Variants in GYPE observed in about 807,000 individuals in gnomAD.
GYPE encodes glycophorin E (MNS blood group), also known as glycophorin-E.
A neutral mutation model predicts 11.6 loss-of-function variants in GYPE; 8 were observed. That is an observed-to-expected ratio of 0.69 (90% confidence interval 0.41 to 1.25). The LOEUF is 1.25. GYPE is among the 50% of genes most tolerant of loss of function. The probability of loss-of-function intolerance (pLI) is 0.01; values close to 1 mark genes in which losing one functional copy is unlikely to be tolerated. For missense variants in GYPE, 90 were observed against 92.8 expected, an observed-to-expected ratio of 0.97 and a Z score of 0.12; for synonymous variants, 28 against 29.6, an observed-to-expected ratio of 0.94 and a Z score of 0.18.
chr4:143,891,715 C>T (rs916055481), intron 1 of GYPE, among the ~76,000 whole-genome samples: 3 of 152,046 alleles, frequency 2.0e-5, no homozygotes, highest in Non-Finnish European at 4.4e-5. Context: ...CGTTCACAGG[C>T]TATAGTTTGC....
At chr4:143,874,873 T>G (rs1026764735) in intron 3 of GYPE, among the ~76,000 whole-genome samples, 1 of 152,132 alleles carries the variant, frequency 6.6e-6, no homozygotes, top group African/African-American at 2.4e-5. Flanking sequence ...CCTACCCCTG[T>G]GCCTGTCATT....
chr4:143,898,587 G>A (rs1470503341), intron 1 of GYPE, among the ~76,000 whole-genome samples: 1 of 151,844 alleles, frequency 6.6e-6, no homozygotes, highest in Non-Finnish European at 1.5e-5. Flanking sequence ...TAAGAAATTG[G>A]CAAAAATACA....
At chr4:143,899,375 G>T (rs1292014458) in intron 1 of GYPE, among the ~76,000 whole-genome samples, 1 of 152,120 alleles carries the variant, frequency 6.6e-6, no homozygotes, top group Non-Finnish European at 1.5e-5. Context: ...CTATATTTTT[G>T]TTCCATCATT....
At chr4:143,889,668 G>A (rs1744331479) in intron 1 of GYPE, among the ~76,000 whole-genome samples, 1 of 152,152 alleles carries the variant, frequency 6.6e-6, no homozygotes, top group South Asian at 2.1e-4. Flanking sequence ...TGCCTGGCCT[G>A]GAATGGATGT....
intron 1 of GYPE, among the ~76,000 whole-genome samples, chr4:143,891,037 T>G (rs1297844237): frequency 3.9e-5 from 6 of 152,084 alleles, no homozygotes; most frequent in African/African-American, 7.2e-5. Flanking sequence ...AAAACTTAAG[T>G]TTTTCAAATT....
intron 3 of GYPE, among the ~76,000 whole-genome samples, chr4:143,874,230 A>G (rs1308266904): frequency 2.0e-5 from 3 of 152,288 alleles, no homozygotes; most frequent in Middle Eastern, 3.4e-3. Flanking sequence ...AGAAAAAGAC[A>G]AAAATTAGCT....
chr4:143,903,803 AT>A (rs1234717981), intron 1 of GYPE, among the ~76,000 whole-genome samples: 2 of 11,756 alleles, frequency 1.7e-4, no homozygotes, highest in Non-Finnish European at 4.0e-3. Flanking sequence ...AGTTGTAGAA[AT>A]TAAAAAAAAA....
At chr4:143,872,300 G>A (rs570978621) in intron 3 of GYPE, 48 bp from the exon 4 acceptor site, 1 of 152,634 alleles carries the variant, frequency 6.6e-6, no homozygotes, top group South Asian at 2.1e-4. Flanking sequence ...ATATAAGATT[G>A]ATGTTTTGAA....
At chr4:143,894,337 G>A (rs1262575414) in intron 1 of GYPE, among the ~76,000 whole-genome samples, 1 of 152,122 alleles carries the variant, frequency 6.6e-6, no homozygotes, top group Non-Finnish European at 1.5e-5. Flanking sequence ...GTCCAGCTTT[G>A]TTCCGTTGCT....
chr4:143,872,291 T>C (rs1213317567), intron 3 of GYPE, 39 bp from the exon 4 acceptor site: 1 of 152,554 alleles, frequency 6.6e-6, no homozygotes, highest in Non-Finnish European at 1.5e-5. Flanking sequence ...TTCATTTACA[T>C]ATAAGATTGA....
At chr4:143,898,762 T>A (rs36114199) in intron 1 of GYPE, among the ~76,000 whole-genome samples, 1 of 151,812 alleles carries the variant, frequency 6.6e-6, no homozygotes, top group Non-Finnish European at 1.5e-5. Context: ...GGCATTCCCA[T>A]ATTCCCATAC....
intron 1 of GYPE, among the ~76,000 whole-genome samples, chr4:143,899,444 TA>T (rs1560951737): frequency 6.6e-6 from 1 of 152,206 alleles, no homozygotes; most frequent in Non-Finnish European, 1.5e-5. Flanking sequence ...AAAATGCACA[TA>T]ATTTTTTTTT....
At chr4:143,893,527 A>G (rs1744495867) in intron 1 of GYPE, among the ~76,000 whole-genome samples, 1 of 151,774 alleles carries the variant, frequency 6.6e-6, no homozygotes, top group South Asian at 2.1e-4. Flanking sequence ...ATCTCTCAGC[A>G]TTTGCTTGTC....
intron 1 of GYPE, among the ~76,000 whole-genome samples, chr4:143,897,270 C>T (rs1744688403): frequency 6.6e-6 from 1 of 151,952 alleles, no homozygotes; most frequent in Non-Finnish European, 1.5e-5. Flanking sequence ...TCGAGACCAC[C>T]CTGGGCAACA....
At chr4:143,898,299 C>G (rs1330794758) in intron 1 of GYPE, among the ~76,000 whole-genome samples, 1 of 152,144 alleles carries the variant, frequency 6.6e-6, no homozygotes, top group Non-Finnish European at 1.5e-5. Context: ...ATTGCTTGAA[C>G]CTGGGAGGCA....
At chr4:143,893,992 G>T (rs910320523) in intron 1 of GYPE, among the ~76,000 whole-genome samples, 8 of 152,022 alleles carry the variant, frequency 5.3e-5, no homozygotes, top group African/African-American at 1.7e-4. Context: ...CATATTTCTT[G>T]GAGGCTTTGT....
At chr4:143,881,052 C>G (rs2149906783) in intron 1 of GYPE, among the ~76,000 whole-genome samples, 1 of 152,122 alleles carries the variant, frequency 6.6e-6, no homozygotes, top group East Asian at 1.9e-4. Flanking sequence ...CTGCTAGGGA[C>G]AATCTTACTT....
chr4:143,880,834 G>T (rs1364410815), intron 1 of GYPE, among the ~76,000 whole-genome samples: 1 of 152,106 alleles, frequency 6.6e-6, no homozygotes, highest in African/African-American at 2.4e-5. Flanking sequence ...TTAAATATGT[G>T]TATGTGGTGT....
At chr4:143,902,516 C>G (rs1418046491) in intron 1 of GYPE, among the ~76,000 whole-genome samples, 19 of 152,084 alleles carry the variant, frequency 1.2e-4, no homozygotes, top group Non-Finnish European at 1.5e-5. Context: ...TTCCTCCTCC[C>G]CTTCCTCCTG....
Sources: gnomAD v4.1 joint callset for allele counts (sites outside exome capture counted in the v4.1 genomes callset) on GRCh38, gnomAD v4.1.1 for gene constraint, MANE v1.5 for transcripts, NCBI Gene and HGNC (gene_info 2026-07-23, HGNC 2026-07-21) for gene names.